The following GRM7 variants were observed in gnomAD, a reference collection of about 807,000 sequenced individuals.
GRM7 encodes the protein glutamate metabotropic receptor 7.
A neutral mutation model predicts 84.5 loss-of-function variants in GRM7; 35 were observed. That is an observed-to-expected ratio of 0.41 (90% confidence interval 0.32 to 0.55). The LOEUF (loss-of-function observed/expected upper bound fraction) is 0.55. Among genes scored for constraint, GRM7 ranks in the 20% least tolerant of loss-of-function variants. The probability of loss-of-function intolerance (pLI) is 0.19; values close to 1 mark genes in which losing one functional copy is unlikely to be tolerated. For missense variants in GRM7, 1,003 were observed against 1,194.6 expected (o/e 0.84, Z 2.36); for synonymous variants, 487 against 455.1 (o/e 1.07, Z -0.89).
At chr3:6,970,095 C>T (rs1599766) in intron 1 of GRM7, among the ~76,000 whole-genome samples, 9,430 of 152,208 alleles carry the variant, frequency 0.062, 393 homozygotes, top group Non-Finnish European at 0.088. Context: ...TGTAAAATTA[C>T]ATTTCTAGGT....
intron 1 of GRM7, among the ~76,000 whole-genome samples, chr3:6,976,431 T>C (rs1410355024): frequency 6.6e-6 from 1 of 152,152 alleles, no homozygotes; most frequent in Non-Finnish European, 1.5e-5. Flanking sequence ...TGTCTGTAAG[T>C]GGGGAGGCCC....
At chr3:7,646,969 G>A (rs1266483615) in intron 8 of GRM7, among the ~76,000 whole-genome samples, 1 of 152,168 alleles carries the variant, frequency 6.6e-6, no homozygotes, top group African/African-American at 2.4e-5. Flanking sequence ...AGGTACACTT[G>A]TAGAGGTGAA....
At chr3:7,430,451 T>A (rs1490119620) in intron 5 of GRM7, among the ~76,000 whole-genome samples, 2 of 152,184 alleles carry the variant, frequency 1.3e-5, no homozygotes, top group African/African-American at 4.8e-5. Flanking sequence ...AGACATAAAA[T>A]GAAAAATATA....
chr3:7,700,794 T>C lies in GRM7; in HGVS notation c.2698+20499T>C, dbSNP rs556834440. Among the ~76,000 whole-genome samples the C allele has an allele frequency of 3.3e-5, 5 of 152,292 alleles. No homozygotes were observed. In the East Asian group the frequency reaches 9.7e-4, roughly 29 times the overall value. On this transcript the variant is annotated intron_variant, in intron 9 of 9. Coordinates refer to ENST00000357716, the MANE Select transcript of GRM7 (RefSeq NM_000844.4). ...GGGAAAAAAAGGACACTTACAAGTA[T>C]CTTGCGGCATTTTAAGGACAGCCAG...
chr3:7,464,574 T>A (rs1345764509), intron 7 of GRM7, among the ~76,000 whole-genome samples: 1 of 151,958 alleles, frequency 6.6e-6, no homozygotes, highest in East Asian at 1.9e-4. Flanking sequence ...CTCATGCCTG[T>A]AATCCCAGCA....
chr3:7,169,776 C>T (rs910697385), intron 2 of GRM7, among the ~76,000 whole-genome samples: 10 of 152,128 alleles, frequency 6.6e-5, no homozygotes, highest in African/African-American at 2.2e-4. Context: ...TAGAGACGTA[C>T]TTTTGCCAAT....
intron 8 of GRM7, among the ~76,000 whole-genome samples, chr3:7,633,727 G>A (rs1697953773): frequency 1.3e-5 from 2 of 151,946 alleles, no homozygotes; most frequent in Non-Finnish European, 2.9e-5. Context: ...AGTGATCATT[G>A]ATGTTCCTTC....
intron 1 of GRM7, among the ~76,000 whole-genome samples, chr3:7,093,860 C>T (rs1698761716): frequency 6.6e-6 from 1 of 152,070 alleles, no homozygotes; most frequent in African/African-American, 2.4e-5. Flanking sequence ...CCAAGGTTTT[C>T]TCACTTAAAG....
intron 4 of GRM7, among the ~76,000 whole-genome samples, chr3:7,335,358 G>A (rs59420888): frequency 0.04 from 6,013 of 151,814 alleles, 249 homozygotes; most frequent in African/African-American, 0.11. Context: ...AAATTATTTG[G>A]ATTGAATAAT....
At chr3:7,680,482 C>T (rs2125141076) in intron 9 of GRM7, 187 bp downstream of exon 9, 2 of 608,736 alleles carry the variant, frequency 3.3e-6, no homozygotes, top group Non-Finnish European at 5.7e-6. Context: ...TCTTTTTGTT[C>T]CTTGTTGGAA....
intron 1 of GRM7, among the ~76,000 whole-genome samples, chr3:7,125,695 T>C (rs955341492): frequency 6.6e-6 from 1 of 152,214 alleles, no homozygotes; most frequent in African/African-American, 2.4e-5. Context: ...TTTCATCAGC[T>C]TTAGAAGGGA....
At chr3:7,126,122 A>C (rs1451306992) in intron 1 of GRM7, among the ~76,000 whole-genome samples, 6 of 152,152 alleles carry the variant, frequency 3.9e-5, no homozygotes. Context: ...AAATAGCTCA[A>C]AGTTCCTGGT....
chr3:7,115,801 A>G (rs1693011307), intron 1 of GRM7, among the ~76,000 whole-genome samples: 1 of 152,184 alleles, frequency 6.6e-6, no homozygotes, highest in South Asian at 2.1e-4. Flanking sequence ...TTAGTAAGAG[A>G]GAGCCTGAAT....
intron 3 of GRM7, among the ~76,000 whole-genome samples, chr3:7,302,866 A>G (rs1041877776): frequency 3.3e-5 from 5 of 149,728 alleles, no homozygotes; most frequent in African/African-American, 1.2e-4. Context: ...AGCATCTTTG[A>G]TCATTTTTGG....
intron 4 of GRM7, among the ~76,000 whole-genome samples, chr3:7,331,338 C>T (rs1701200896): frequency 6.6e-6 from 1 of 152,238 alleles, no homozygotes; most frequent in South Asian, 2.1e-4. Flanking sequence ...TGGTGGAATC[C>T]TAACAGACAG....
At chr3:7,422,929 G>A (rs1026096059) in intron 5 of GRM7, among the ~76,000 whole-genome samples, 1 of 152,094 alleles carries the variant, frequency 6.6e-6, no homozygotes, top group Admixed American at 6.6e-5. Context: ...CGAAGTACAA[G>A]CAAAGTAGAT....
At chr3:7,206,199 C>G (rs1025985047) in intron 2 of GRM7, among the ~76,000 whole-genome samples, 2 of 152,058 alleles carry the variant, frequency 1.3e-5, no homozygotes, top group African/African-American at 4.8e-5. Context: ...TTAGATCGCT[C>G]ATTAGAAGGC....
intron 4 of GRM7, among the ~76,000 whole-genome samples, chr3:7,368,473 T>G (rs564681422): frequency 6.6e-6 from 1 of 152,286 alleles, no homozygotes; most frequent in African/African-American, 2.4e-5. Flanking sequence ...TGGTAATGGA[T>G]AATTTACTTT....
At chr3:7,301,477 G>C (rs910313639) in intron 3 of GRM7, among the ~76,000 whole-genome samples, 7 of 151,906 alleles carry the variant, frequency 4.6e-5, no homozygotes, top group African/African-American at 1.7e-4. Flanking sequence ...GTAATACCTT[G>C]GTAAAATATG....
Sources: allele counts gnomAD v4.1 joint callset (sites outside exome capture counted in the v4.1 genomes callset), GRCh38; gene constraint gnomAD v4.1.1; transcripts MANE v1.5; gene names NCBI Gene and HGNC (gene_info 2026-07-23, HGNC 2026-07-21).